The following CCDC125 variants were observed in gnomAD, a reference collection of about 807,000 sequenced individuals.
CCDC125 encodes coiled-coil domain-containing protein 125.
CCDC125 carries 43 observed loss-of-function variants against 57.4 expected under a neutral mutation model. The observed-to-expected ratio is 0.75, with a 90% confidence interval of 0.59 to 0.97. The LOEUF (loss-of-function observed/expected upper bound fraction) is 0.97. CCDC125 is among the 50% of genes least tolerant of loss of function. The pLI is 0.00. For missense variants in CCDC125, 563 were observed against 595.7 expected (o/e 0.95, Z 0.57); for synonymous variants, 187 against 195.2 (o/e 0.96, Z 0.35).
At chr5:69,320,118 G>A (rs1340410190) in intron 2 of CCDC125, 119 bp downstream of exon 2, 11 of 1,019,416 alleles carry the variant, frequency 1.1e-5, no homozygotes, top group Admixed American at 7.0e-5. Context: ...GCAAGACTCC[G>A]TCCAGAAAAA....
At chr5:69,307,721 T>C (rs186218122) in intron 5 of CCDC125, 3 of 513,880 alleles carry the variant, frequency 5.8e-6, no homozygotes, top group Admixed American at 6.6e-5. Context: ...AAGTACCAAT[T>C]TGGCAGGCCT....
chr5:69,285,507 A>C, intron 10 of CCDC125, 40 bp from the exon 11 acceptor site: 1 of 1,569,310 alleles, frequency 6.4e-7, no homozygotes, highest in Non-Finnish European at 8.6e-7. Flanking sequence ...ACATTAAAAT[A>C]TCCTCACTGA....
At chr5:69,285,697 A>G (rs1035058851) in intron 10 of CCDC125, among the ~76,000 whole-genome samples, 1 of 152,200 alleles carries the variant, frequency 6.6e-6, no homozygotes, top group Non-Finnish European at 1.5e-5. Flanking sequence ...CACACAGGCC[A>G]CACAAGAACA....
chr5:69,295,042 T>A, intron 8 of CCDC125, 142 bp from the exon 9 acceptor site: 1 of 552,940 alleles, frequency 1.8e-6, no homozygotes. Flanking sequence ...AAAAACAAAA[T>A]AGAAGAAAGC....
rs1303049684 is a variant in CCDC125 at position 69,281,813 on chromosome 5, T to C, written c.*916A>G. ...GCCAAGCTAAGATCCCTATAGTCAATCAAAATAGTTAAATAATTTTTTGTT... is the reference window on the plus strand; with the variant it reads ...GCCAAGCTAAGATCCCTATAGTCAACCAAAATAGTTAAATAATTTTTTGTT... On this transcript the variant is annotated 3_prime_UTR_variant, in exon 12 of 12. Coordinates refer to ENST00000396496, the MANE Select transcript of CCDC125 (RefSeq NM_176816.5). 6.6e-6 allele frequency: 1 copy of C among 152,100 alleles called. No homozygotes were observed. The highest frequency in any genetic ancestry group is 1.9e-4 in the East Asian group (1 of 5,190). 9.4% of individuals were successfully genotyped at this position (152,100 alleles called of 1,614,324 possible).
chr5:69,329,523 G>C (rs1403086102), intron 1 of CCDC125, among the ~76,000 whole-genome samples: 2 of 100,930 alleles, frequency 2.0e-5, no homozygotes, highest in Non-Finnish European at 4.1e-5. Context: ...TTTTTTTTGA[G>C]ACGGAATTTT....
chr5:69,311,091 G>A (rs761156091), intron 4 of CCDC125, 27 bp downstream of exon 4: 10 of 1,434,682 alleles, frequency 7.0e-6, no homozygotes, highest in Admixed American at 3.5e-5. Flanking sequence ...ATGTGTAAAT[G>A]GTGAAAGTTT....
rs955721626 is a variant in CCDC125, at chr5:69,280,730, C to T, written c.*1999G>A. On this transcript the variant is annotated 3_prime_UTR_variant, in exon 12 of 12. Coordinates refer to ENST00000396496, the MANE Select transcript of CCDC125 (RefSeq NM_176816.5). ...ATTTTGCTTTATTCATTTGCTTTATCTTATGGATCTCTCCATTTTGTAGAG... is the reference window on the plus strand; with the variant it reads ...ATTTTGCTTTATTCATTTGCTTTATTTTATGGATCTCTCCATTTTGTAGAG... The T allele has an allele frequency of 6.6e-6, 1 of 152,220 alleles. No individual in the cohort carries two copies. The highest frequency in any genetic ancestry group is 6.5e-5 in the Admixed American group (1 of 15,286). 9.4% of individuals were successfully genotyped at this position (152,220 alleles called of 1,614,324 possible).
chr5:69,286,994 TA>T (rs33957725), intron 10 of CCDC125, among the ~76,000 whole-genome samples: 5,844 of 112,732 alleles, frequency 0.052, 235 homozygotes, highest in East Asian at 0.23. Flanking sequence ...GAGTTTAAGA[TA>T]AAAAAAAAAA....
chr5:69,328,647 G>A (rs1761018292), intron 1 of CCDC125, among the ~76,000 whole-genome samples: 6 of 152,108 alleles, frequency 3.9e-5, no homozygotes, highest in Admixed American at 2.0e-4. Flanking sequence ...AAATAAATTA[G>A]TAGGATTAGA....
At chr5:69,286,515 G>C (rs1179436427) in intron 10 of CCDC125, among the ~76,000 whole-genome samples, 1 of 151,660 alleles carries the variant, frequency 6.6e-6, no homozygotes, top group East Asian at 1.9e-4. Context: ...TTACAGGCGT[G>C]AGCCACCGCG....
the CCDC125 span, among the ~76,000 whole-genome samples, chr5:69,275,032 C>G: frequency 6.7e-6 from 1 of 150,154 alleles, no homozygotes; most frequent in African/African-American, 2.5e-5. Context: ...CCACTGCACT[C>G]CAGCCTGGGC....
intron 5 of CCDC125, 34 bp downstream of exon 5, chr5:69,307,917 G>T (rs1253154587): frequency 2.7e-6 from 4 of 1,474,426 alleles, no homozygotes; most frequent in Non-Finnish European, 3.8e-6. Context: ...CAGCTTATTG[G>T]ATTCAATAAG....
At chr5:69,280,097 T>G (rs1228183440), downstream of CCDC125, 1 of 152,086 alleles carries the variant, frequency 6.6e-6, no homozygotes, top group Non-Finnish European at 1.5e-5. Flanking sequence ...GTGGGAATTA[T>G]GGGGATTACA....
chr5:69,278,230 G>T (rs916450026), downstream of CCDC125, among the ~76,000 whole-genome samples: 7 of 150,122 alleles, frequency 4.7e-5, no homozygotes, highest in African/African-American at 1.7e-4. Context: ...TTTTGAGATG[G>T]AGTCTCGCTC....
intron 4 of CCDC125, 62 bp from the exon 5 acceptor site, chr5:69,308,090 T>G: frequency 8.9e-7 from 1 of 1,118,044 alleles, no homozygotes; most frequent in Non-Finnish European, 1.4e-6. Flanking sequence ...ATGTACATCA[T>G]GAAGTTCTCT....
intron 8 of CCDC125, among the ~76,000 whole-genome samples, chr5:69,299,401 G>A (rs1228007174): frequency 1.3e-5 from 2 of 152,160 alleles, no homozygotes; most frequent in African/African-American, 2.4e-5. Context: ...GAGCCACCGT[G>A]CCCGGCCTTC....
chr5:69,292,127 TG>T, intron 10 of CCDC125, 60 bp downstream of exon 10: 1 of 1,407,052 alleles, frequency 7.1e-7, no homozygotes. Context: ...TTCATCAACT[TG>T]GATTATAAAC....
chr5:69,288,419 C>T (rs1307385696), intron 10 of CCDC125, among the ~76,000 whole-genome samples: 2 of 152,072 alleles, frequency 1.3e-5, no homozygotes, highest in African/African-American at 4.8e-5. Flanking sequence ...AGTGATGTAC[C>T]GTGTCCATGT....
Sources: allele counts gnomAD v4.1 joint callset (sites outside exome capture counted in the v4.1 genomes callset), GRCh38; gene constraint gnomAD v4.1.1; transcripts MANE v1.5; gene names NCBI Gene and HGNC (gene_info 2026-07-23, HGNC 2026-07-21).